Variants in PITPNC1 observed in about 807,000 individuals in gnomAD.
PITPNC1 encodes phosphatidylinositol transfer protein cytoplasmic 1.
PITPNC1 carries 18 observed loss-of-function variants against 44.7 expected under a neutral mutation model. The observed-to-expected ratio is 0.40, with a 90% confidence interval of 0.28 to 0.60. PITPNC1 has a LOEUF of 0.60. Among genes scored for constraint, PITPNC1 ranks in the 20% least tolerant of loss-of-function variants. The probability of loss-of-function intolerance (pLI) is 0.39; values close to 1 mark genes in which losing one functional copy is unlikely to be tolerated. For synonymous variants in PITPNC1, 141 were observed against 149.6 expected, an observed-to-expected ratio of 0.94 and a Z score of 0.42; for missense variants, 290 against 418.4, an observed-to-expected ratio of 0.69 and a Z score of 2.68.
chr17:67,583,519 C>T (rs1295122549), intron 5 of PITPNC1, among the ~76,000 whole-genome samples: 19 of 140,638 alleles, frequency 1.4e-4, no homozygotes, highest in African/African-American at 3.7e-4. Flanking sequence ...ATCTGGGAGG[C>T]GGAGGTTGCA....
intron 4 of PITPNC1, among the ~76,000 whole-genome samples, chr17:67,556,078 C>T (rs1568039089): frequency 6.6e-6 from 1 of 152,182 alleles, no homozygotes; most frequent in Non-Finnish European, 1.5e-5. Flanking sequence ...GACCTGTCCA[C>T]TGGGCTGGAT....
In PITPNC1 at chr17:67,477,565, A is replaced by AT. The variant is rs1429522515; in HGVS notation, c.49-55234dup. Among the ~76,000 whole-genome samples the AT allele has an allele frequency of 1.1e-4, 15 of 136,706 alleles. 1 individual carries two copies. In the East Asian group the frequency reaches 1.4e-3, roughly 13 times the overall value. The allele number at this position is 136,706 out of a possible 152,430, so 89.7% of individuals were successfully genotyped here. A position where few individuals can be genotyped will look rare whatever the true frequency, so the allele number is the denominator to read the frequency against. On this transcript the variant is annotated intron_variant, in intron 1 of 8. Transcript: ENST00000581322. Reference sequence around the variant, plus strand: ...CAGCCTGCCCAGCTCATTTTTATTTATTTATTTATTTTTTGGTAGAGACAG... The same window carrying AT: ...CAGCCTGCCCAGCTCATTTTTATTTATTTTATTTATTTTTTGGTAGAGACAG...
At chr17:67,529,015 C>T (rs2040426382) in intron 1 of PITPNC1, among the ~76,000 whole-genome samples, 1 of 152,176 alleles carries the variant, frequency 6.6e-6, no homozygotes, top group South Asian at 2.1e-4. Context: ...GAGCCCTTGA[C>T]CATCTCGGTG....
intron 6 of PITPNC1, among the ~76,000 whole-genome samples, chr17:67,662,446 A>G (rs2042362842): frequency 1.3e-5 from 2 of 152,108 alleles, no homozygotes; most frequent in Middle Eastern, 3.4e-3. Context: ...ACTCCATCTC[A>G]AAAAAAAGAA....
intron 5 of PITPNC1, among the ~76,000 whole-genome samples, chr17:67,616,094 C>T (rs1044831251): frequency 2.0e-5 from 3 of 152,088 alleles, no homozygotes; most frequent in Non-Finnish European, 4.4e-5. Context: ...GTGATCCTTC[C>T]GCATGTACTT....
At chr17:67,477,688 A>G (rs2039649787) in intron 1 of PITPNC1, among the ~76,000 whole-genome samples, 1 of 152,070 alleles carries the variant, frequency 6.6e-6, no homozygotes, top group South Asian at 2.1e-4. Context: ...TTACAGGCAT[A>G]AGCCACCGCA....
At chr17:67,385,818 C>G (rs2038038967) in intron 1 of PITPNC1, among the ~76,000 whole-genome samples, 1 of 151,944 alleles carries the variant, frequency 6.6e-6, no homozygotes. Context: ...CCTTTCAACA[C>G]TAATGGAACA....
rs1568012946 is a variant in PITPNC1 at position 67,494,201 on chromosome 17, C to CTTTCTTTCTT, written c.49-38599_49-38590dup. Among the ~76,000 whole-genome samples, 97 of 145,794 alleles carry CTTTCTTTCTT rather than the reference C, an allele frequency of 6.7e-4. 2 individuals are homozygous for CTTTCTTTCTT. The highest frequency in any genetic ancestry group is 2.0e-3 in the Admixed American group (29 of 14,416). ...TTTCTTTCTTTTTCTTTCTTTCTTT[C>CTTTCTTTCTT]TTTCTTTCTTTCTTTTTGAGACGTA... On this transcript the variant is annotated intron_variant, in intron 1 of 8. Transcript: ENST00000581322.
At chr17:67,411,006 C>T (rs146683063) in intron 1 of PITPNC1, among the ~76,000 whole-genome samples, 8 of 149,832 alleles carry the variant, frequency 5.3e-5, no homozygotes, top group South Asian at 2.1e-4. Flanking sequence ...TACTTGAACT[C>T]GGGAGGCGGA....
chr17:67,462,194 T>C (rs1567999100), intron 1 of PITPNC1, among the ~76,000 whole-genome samples: 1 of 150,530 alleles, frequency 6.6e-6, no homozygotes, highest in South Asian at 2.1e-4. Flanking sequence ...TTTTTTTTTT[T>C]CTTTTCTTTT....
intron 1 of PITPNC1, among the ~76,000 whole-genome samples, chr17:67,432,587 G>T (rs1414419428): frequency 6.6e-6 from 1 of 152,148 alleles, no homozygotes; most frequent in African/African-American, 2.4e-5. Flanking sequence ...ATAAAGGTCC[G>T]TGTATAATTT....
chr17:67,539,006 G>A (rs1281229156), intron 2 of PITPNC1, among the ~76,000 whole-genome samples: 2 of 150,522 alleles, frequency 1.3e-5, no homozygotes, highest in Non-Finnish European at 3.0e-5. Context: ...ATCAAAAGAT[G>A]GGCAAAGGAT....
intron 1 of PITPNC1, among the ~76,000 whole-genome samples, chr17:67,413,545 G>A (rs1266607333): frequency 6.6e-6 from 1 of 151,894 alleles, no homozygotes; most frequent in East Asian, 1.9e-4. Flanking sequence ...TGCTGTGCCC[G>A]GGCCCTGAGG....
In PITPNC1 at chr17:67,486,675, CTG is replaced by C. The variant is rs946717609; in HGVS notation, c.49-46125_49-46124del. 3.4e-4 allele frequency among the ~76,000 whole-genome samples: 51 copies of C among 152,224 alleles called. 1 individual carries two copies. The highest frequency in any genetic ancestry group is 1.2e-3 in the African/African-American group (49 of 41,534). On this transcript the variant is annotated intron_variant, in intron 1 of 8. Coordinates refer to ENST00000581322, the MANE Select transcript of PITPNC1 (RefSeq NM_012417.4). ...GAGGCAGAAAGGTGACGTTTTGAATCTGTAGACACATAACGAGGAATGTGGTT... is the reference window on the plus strand; with the variant it reads ...GAGGCAGAAAGGTGACGTTTTGAATCTAGACACATAACGAGGAATGTGGTT...
intron 1 of PITPNC1, among the ~76,000 whole-genome samples, chr17:67,381,462 C>T (rs1471204496): frequency 6.9e-6 from 1 of 145,222 alleles, no homozygotes; most frequent in Non-Finnish European, 1.5e-5. Context: ...GAACTTGTTT[C>T]TCTCTCTTTT....
At chr17:67,566,142 G>GT (rs1476172920) in intron 4 of PITPNC1, among the ~76,000 whole-genome samples, 8 of 152,052 alleles carry the variant, frequency 5.3e-5, no homozygotes, top group East Asian at 3.9e-4. Context: ...ATGAACATGT[G>GT]TTTTTTTGTA....
At chr17:67,554,105 T>A (rs1191632712) in intron 4 of PITPNC1, among the ~76,000 whole-genome samples, 1 of 152,082 alleles carries the variant, frequency 6.6e-6, no homozygotes, top group Non-Finnish European at 1.5e-5. Context: ...TAAAATTTCT[T>A]CTTCTCCTAA....
chr17:67,657,015 G>T (rs1233495805), intron 6 of PITPNC1, among the ~76,000 whole-genome samples: 1 of 152,164 alleles, frequency 6.6e-6, no homozygotes, highest in Non-Finnish European at 1.5e-5. Context: ...GAAAGAAAAT[G>T]ACTTCATAAA....
intron 1 of PITPNC1, among the ~76,000 whole-genome samples, chr17:67,450,375 TA>T (rs56265343): frequency 0.49 from 72,977 of 148,326 alleles, 18,426 homozygotes; most frequent in Non-Finnish European, 0.58. Context: ...GAGACTTCGT[TA>T]AAAAAAAAAA....
Sources: allele counts gnomAD v4.1 joint callset (sites outside exome capture counted in the v4.1 genomes callset), GRCh38; gene constraint gnomAD v4.1.1; transcripts MANE v1.5; gene names NCBI Gene and HGNC (gene_info 2026-07-23, HGNC 2026-07-21).